Variants in SLC25A26 observed in about 807,000 individuals in gnomAD.
SLC25A26 encodes mitochondrial S-adenosylmethionine carrier protein.
In SLC25A26, 36 loss-of-function variants were observed where a neutral mutation model predicts 37.8. That is an observed-to-expected ratio of 0.95 (90% CI 0.73 to 1.26). The LOEUF (loss-of-function observed/expected upper bound fraction) is 1.26. SLC25A26 is among the 50% of genes most tolerant of loss of function. The probability of loss-of-function intolerance (pLI) is 0.00; values close to 1 mark genes in which losing one functional copy is unlikely to be tolerated. For synonymous variants in SLC25A26, 129 were observed against 122.5 expected, an observed-to-expected ratio of 1.05 and a Z score of -0.35; for missense variants, 390 against 331.1, an observed-to-expected ratio of 1.18 and a Z score of -1.38.
chr3:66,281,341 G>T (rs2074329527), intron 5 of SLC25A26, among the ~76,000 whole-genome samples: 1 of 152,202 alleles, frequency 6.6e-6, no homozygotes, highest in African/African-American at 2.4e-5. Context: ...GGCAATCTAT[G>T]CGGTAATATT....
chr3:66,260,701 T>C (rs1305347846), intron 3 of SLC25A26, among the ~76,000 whole-genome samples: 1 of 152,224 alleles, frequency 6.6e-6, no homozygotes, highest in African/African-American at 2.4e-5. Flanking sequence ...TTGCCAAGGC[T>C]AATTCCCTTG....
chr3:66,306,562 C>T (rs1013198978), intron 5 of SLC25A26, among the ~76,000 whole-genome samples: 4 of 152,082 alleles, frequency 2.6e-5, no homozygotes, highest in South Asian at 2.1e-4. Flanking sequence ...CATAGGTATA[C>T]ATGTGCCATG....
intron 1 of SLC25A26, among the ~76,000 whole-genome samples, chr3:66,174,808 A>AG (rs1385266129): frequency 2.2e-5 from 3 of 134,710 alleles, no homozygotes; most frequent in Non-Finnish European, 4.8e-5. Flanking sequence ...AGAAAAAAAA[A>AG]AAAAGAAAAA....
At chr3:66,238,289 C>T (rs2072396015) in intron 2 of SLC25A26, among the ~76,000 whole-genome samples, 1 of 152,156 alleles carries the variant, frequency 6.6e-6, no homozygotes, top group Non-Finnish European at 1.5e-5. Context: ...TACTGATAGC[C>T]TGCTGCTGTC....
chr3:66,143,575 G>A (rs2070068870), intron 1 of SLC25A26, among the ~76,000 whole-genome samples: 1 of 151,968 alleles, frequency 6.6e-6, no homozygotes, highest in Admixed American at 6.6e-5. Context: ...ATGCAAATGA[G>A]GTCCCTCGTT....
rs182287103 is a variant in SLC25A26 at position 66,172,776 on chromosome 3, C to T, written c.-354+38792C>T. Among the ~76,000 whole-genome samples the T allele has an allele frequency of 1.1e-3, 163 of 152,266 alleles. 1 individual carries two copies. The highest frequency in any genetic ancestry group is 0.011 in the Admixed American group (161 of 15,296). ...GCAATTTTTGGTGTTCCCTCACATG[C>T]AGCATCCTCCAAGTTCTGCCTTCAT... On this transcript the variant is annotated intron_variant, in intron 1 of 10. Transcript: ENST00000676754.
intron 1 of SLC25A26, among the ~76,000 whole-genome samples, chr3:66,175,689 A>C (rs1184472882): frequency 1.3e-5 from 2 of 152,218 alleles, no homozygotes; most frequent in East Asian, 1.9e-4. Flanking sequence ...ATTTTCACTG[A>C]AGTCCAAAGG....
At chr3:66,209,276 A>G (rs1160312434) in intron 1 of SLC25A26, among the ~76,000 whole-genome samples, 1 of 140,170 alleles carries the variant, frequency 7.1e-6, no homozygotes, top group Non-Finnish European at 1.5e-5. Context: ...GTATATATGT[A>G]TGTATATATA....
At chr3:66,351,546 C>T (rs927747690) in intron 6 of SLC25A26, among the ~76,000 whole-genome samples, 1 of 152,012 alleles carries the variant, frequency 6.6e-6, no homozygotes, top group Non-Finnish European at 1.5e-5. Context: ...ATCTTTATAC[C>T]AACTTGCATG....
At chr3:66,297,620 A>T (rs1049864082) in intron 5 of SLC25A26, among the ~76,000 whole-genome samples, 11 of 152,158 alleles carry the variant, frequency 7.2e-5, no homozygotes, top group Admixed American at 7.2e-4. Flanking sequence ...TAGTTGGTAA[A>T]CTATGACCTG....
At chr3:66,331,343 T>C (rs2075968925) in intron 5 of SLC25A26, among the ~76,000 whole-genome samples, 1 of 152,180 alleles carries the variant, frequency 6.6e-6, no homozygotes, top group African/African-American at 2.4e-5. Flanking sequence ...TGCTGTATTT[T>C]AGTTTGAGTA....
At chr3:66,213,966 G>C (rs1435777594) in intron 1 of SLC25A26, among the ~76,000 whole-genome samples, 5 of 151,962 alleles carry the variant, frequency 3.3e-5, no homozygotes, top group Non-Finnish European at 4.4e-5. Context: ...ATGATCATCT[G>C]TCTCAAAAAA....
At chr3:66,336,199 G>A (rs2076089798) in intron 5 of SLC25A26, among the ~76,000 whole-genome samples, 1 of 152,114 alleles carries the variant, frequency 6.6e-6, no homozygotes, top group Non-Finnish European at 1.5e-5. Context: ...CTCAGAAATA[G>A]GGAAAGCCTG....
At chr3:66,347,321 A>G (rs1256093661) in intron 6 of SLC25A26, among the ~76,000 whole-genome samples, 1 of 152,240 alleles carries the variant, frequency 6.6e-6, no homozygotes, top group East Asian at 1.9e-4. Context: ...AAGGACATGA[A>G]CAGACACTTC....
chr3:66,201,974 A>G (rs2071116530), intron 1 of SLC25A26, among the ~76,000 whole-genome samples: 1 of 152,192 alleles, frequency 6.6e-6, no homozygotes, highest in African/African-American at 2.4e-5. Context: ...CATGAAATCA[A>G]GGAAGCTGCC....
chr3:66,198,895 T>C (rs2071078525), intron 1 of SLC25A26, among the ~76,000 whole-genome samples: 1 of 151,810 alleles, frequency 6.6e-6, no homozygotes, highest in South Asian at 2.1e-4. Context: ...TGACTGATCT[T>C]GACCTTGATC....
intron 2 of SLC25A26, among the ~76,000 whole-genome samples, chr3:66,239,531 A>T (rs907401548): frequency 2.0e-5 from 3 of 152,178 alleles, no homozygotes; most frequent in African/African-American, 7.2e-5. Context: ...TTATCTTGAC[A>T]TTTTAAAGCC....
chr3:66,154,120 C>G (rs1165643700), intron 1 of SLC25A26, among the ~76,000 whole-genome samples: 1 of 152,094 alleles, frequency 6.6e-6, no homozygotes, highest in African/African-American at 2.4e-5. Context: ...ATATAAAACT[C>G]GGGCACCAGA....
chr3:66,367,199 T>C (rs2076842581), intron 7 of SLC25A26, among the ~76,000 whole-genome samples: 1 of 152,216 alleles, frequency 6.6e-6, no homozygotes, highest in African/African-American at 2.4e-5. Context: ...GTGAGCCAGA[T>C]GCTGTTCCAA....
Sources: gnomAD v4.1 joint callset for allele counts (sites outside exome capture counted in the v4.1 genomes callset) on GRCh38, gnomAD v4.1.1 for gene constraint, MANE v1.5 for transcripts, NCBI Gene and HGNC (gene_info 2026-07-23, HGNC 2026-07-21) for gene names.